SPAG17: variants seen among roughly 807,000 people sequenced by gnomAD.
SPAG17 encodes sperm associated antigen 17.
In SPAG17, 169 loss-of-function variants were observed where a neutral mutation model predicts 273.6. The ratio of observed to expected loss-of-function variants is 0.62; its 90% CI spans 0.55 to 0.70. SPAG17 has a LOEUF of 0.70. Among genes scored for constraint, SPAG17 ranks in the 30% least tolerant of loss-of-function variants. The pLI is 0.00. For missense variants in SPAG17, 2,557 were observed against 2,627.8 expected (o/e 0.97, Z 0.59); for synonymous variants, 825 against 873.2 (o/e 0.94, Z 0.97).
intron 1 of SPAG17, among the ~76,000 whole-genome samples, chr1:118,160,049 C>T (rs946693963): frequency 5.9e-5 from 9 of 152,120 alleles, no homozygotes; most frequent in African/African-American, 2.2e-4. Flanking sequence ...TATTACATAT[C>T]AGAGACATTC....
intron 10 of SPAG17, among the ~76,000 whole-genome samples, chr1:118,087,676 A>G (rs1446405617): frequency 6.6e-6 from 1 of 152,200 alleles, no homozygotes; most frequent in African/African-American, 2.4e-5. Flanking sequence ...TGCCTTGTTC[A>G]ATTTTTCATG....
chr1:118,160,744 A>ATAATATCCC (rs1372322024), intron 1 of SPAG17, among the ~76,000 whole-genome samples: 3 of 152,238 alleles, frequency 2.0e-5, no homozygotes, highest in Non-Finnish European at 2.9e-5. Flanking sequence ...TACATATCTC[A>ATAATATCCC]TAATATCCCT....
Position 118,086,788 on chromosome 1 carries a change from T to A in SPAG17, c.1498-4A>T, listed in dbSNP as rs371635834. Reference sequence around the variant, plus strand: ...ATAAAAATATGTCATGAAGATTCTATGCAAATTGAAACAATATTGATTTAA... The same window carrying A: ...ATAAAAATATGTCATGAAGATTCTAAGCAAATTGAAACAATATTGATTTAA... On this transcript the variant is annotated splice_region_variant and splice_polypyrimidine_tract_variant and intron_variant, in intron 11 of 48. Transcript: ENST00000336338. 2 of 1,613,964 alleles carry A rather than the reference T, an allele frequency of 1.2e-6. No individual in the cohort carries two copies. Among genetic ancestry groups the A allele is most frequent in the Non-Finnish European group, 1.7e-6 (2 of 1,179,954 alleles).
chr1:118,027,130 A>C (rs916784105), intron 26 of SPAG17, among the ~76,000 whole-genome samples: 1 of 152,178 alleles, frequency 6.6e-6, no homozygotes, highest in Non-Finnish European at 1.5e-5. Flanking sequence ...CTTTGAGTAC[A>C]CTCATAGCTC....
chr1:118,096,206 G>A (rs1003209165), intron 7 of SPAG17, among the ~76,000 whole-genome samples: 17 of 152,038 alleles, frequency 1.1e-4, no homozygotes, highest in African/African-American at 1.9e-4. Context: ...CCTCTTCAGC[G>A]TTTTCACTTA....
intron 29 of SPAG17, among the ~76,000 whole-genome samples, chr1:118,014,214 T>C (rs1659748001): frequency 6.6e-6 from 1 of 152,100 alleles, no homozygotes; most frequent in Non-Finnish European, 1.5e-5. Flanking sequence ...AGTTAGTATA[T>C]GGAAAATGCA....
chr1:117,964,003 A>G, intron 47 of SPAG17, 65 bp from the exon 48 acceptor site: 1 of 1,517,284 alleles, frequency 6.6e-7, no homozygotes, highest in Non-Finnish European at 8.9e-7. Flanking sequence ...AACCTAAATA[A>G]CATTTTAGAA....
At chr1:118,007,975 A>C in intron 31 of SPAG17, 69 bp downstream of exon 31, 14 of 1,588,600 alleles carry the variant, frequency 8.8e-6, no homozygotes, top group Non-Finnish European at 1.2e-5. Flanking sequence ...TTACTGCCCC[A>C]GAGAAGTGGG....
At chr1:118,007,576 TGC>T (rs1399636088) in intron 31 of SPAG17, among the ~76,000 whole-genome samples, 2 of 152,220 alleles carry the variant, frequency 1.3e-5, no homozygotes, top group Admixed American at 6.5e-5. Flanking sequence ...CTAGGAGAAC[TGC>T]CCTCCAGGGA....
intron 40 of SPAG17, among the ~76,000 whole-genome samples, chr1:117,986,226 C>T (rs1044117538): frequency 1.3e-5 from 2 of 152,210 alleles, no homozygotes; most frequent in African/African-American, 2.4e-5. Flanking sequence ...TCTACTGCCT[C>T]ACTGGATTCA....
At chr1:118,009,826 C>G (rs982385571) in intron 30 of SPAG17, among the ~76,000 whole-genome samples, 6 of 151,642 alleles carry the variant, frequency 4.0e-5, no homozygotes, top group African/African-American at 1.5e-4. Flanking sequence ...TGGAATCAGT[C>G]TACATGTTCA....
At chr1:118,178,464 C>A (rs916081139) in intron 1 of SPAG17, among the ~76,000 whole-genome samples, 1 of 151,842 alleles carries the variant, frequency 6.6e-6, no homozygotes, top group Non-Finnish European at 1.5e-5. Context: ...AGGCCAAACC[C>A]TCAGCTAAAA....
intron 32 of SPAG17, among the ~76,000 whole-genome samples, chr1:118,005,015 T>A (rs1658728898): frequency 6.6e-6 from 1 of 152,218 alleles, no homozygotes; most frequent in South Asian, 2.1e-4. Context: ...CCCTACTGTA[T>A]CCTTCTTACC....
intron 17 of SPAG17, among the ~76,000 whole-genome samples, chr1:118,069,971 G>A (rs1653416707): frequency 6.6e-6 from 1 of 152,210 alleles, no homozygotes; most frequent in African/African-American, 2.4e-5. Context: ...TGATTACCTT[G>A]AAAAGTGCAG....
Position 117,996,491 on chromosome 1 carries a change from A to C in SPAG17, c.4932T>G (p.Val1644=). ...CCATTCCTGATCCATCAGCATACATAACAAAAAACCTATTTGAAGAAATAA... is the reference window on the plus strand; with the variant it reads ...CCATTCCTGATCCATCAGCATACATCACAAAAAACCTATTTGAAGAAATAA... ...IYGEHVPRFF[V]MYADGSGMEL... Residue 1644 remains valine, a synonymous_variant, in exon 34 of 49, where the codon GTT becomes GTG. Transcript: ENST00000336338. The C allele has an allele frequency of 6.2e-7, 1 of 1,611,482 alleles. No homozygotes were observed. Among genetic ancestry groups the C allele is most frequent in the Non-Finnish European group, 8.5e-7 (1 of 1,178,960 alleles).
intron 3 of SPAG17, among the ~76,000 whole-genome samples, chr1:118,141,666 C>T (rs1658689595): frequency 6.6e-6 from 1 of 152,156 alleles, no homozygotes; most frequent in African/African-American, 2.4e-5. Flanking sequence ...TTTTGGGCTT[C>T]CATTTCTTCA....
intron 48 of SPAG17, chr1:117,958,949 G>A (rs1168728470): frequency 1.2e-6 from 2 of 1,613,972 alleles, no homozygotes; most frequent in Admixed American, 3.3e-5. Flanking sequence ...AAATGCTTGT[G>A]CCAGTGATAG....
intron 1 of SPAG17, among the ~76,000 whole-genome samples, chr1:118,175,896 A>G (rs1660676331): frequency 6.6e-6 from 1 of 152,214 alleles, no homozygotes; most frequent in Non-Finnish European, 1.5e-5. Flanking sequence ...CAAATCTATT[A>G]AAAACAATAA....
At chr1:118,067,834 C>T (rs946865996) in intron 17 of SPAG17, among the ~76,000 whole-genome samples, 1 of 152,158 alleles carries the variant, frequency 6.6e-6, no homozygotes, top group Non-Finnish European at 1.5e-5. Flanking sequence ...GCATTCTCTC[C>T]ACTATACCAT....
Sources: gnomAD v4.1 joint callset for allele counts (sites outside exome capture counted in the v4.1 genomes callset) on GRCh38, gnomAD v4.1.1 for gene constraint, MANE v1.5 for transcripts, NCBI Gene and HGNC (gene_info 2026-07-23, HGNC 2026-07-21) for gene names.